HS3ST3A1: variants seen among roughly 807,000 people sequenced by gnomAD.
HS3ST3A1 encodes heparan sulfate-glucosamine 3-sulfotransferase 3A1.
HS3ST3A1 carries 19 observed loss-of-function variants against 25.7 expected under a neutral mutation model. That is an observed-to-expected ratio of 0.74 (90% CI 0.52 to 1.08). The LOEUF is 1.08. Among genes scored for constraint, HS3ST3A1 ranks in the 50% least tolerant of loss-of-function variants. The probability of loss-of-function intolerance (pLI) is 0.00; values close to 1 mark genes in which losing one functional copy is unlikely to be tolerated. For synonymous variants in HS3ST3A1, 226 were observed against 278.6 expected (o/e 0.81, Z 1.88); for missense variants, 459 against 594.3 (o/e 0.77, Z 2.37).
rs778864896 is a variant in HS3ST3A1 at position 13,601,114 on chromosome 17, G to C, written c.16C>G (p.Pro6Ala). The stretch of plus-strand genomic sequence containing the variant: ...GCCGAGGTGGAGAGGGCACTGGCCG[G>C]GCCCGGAGGGGCCATCCTAGCCGGA... Reference protein sequence around the residue: MAPPGPASALSTSAEP... With the variant: MAPPGAASALSTSAEP... Residue 6 changes from proline (P) to alanine (A), a missense_variant, in exon 1 of 2, where the codon CCG becomes GCG. Physicochemically the swap from Pro to Ala is conservative, Grantham distance 27 (BLOSUM62 -1). Around this residue, in one of 3 missense-constraint regions of HS3ST3A1, gnomAD observed 346 missense variants for 303.9 expected, o/e 1.14. Transcript: ENST00000284110. The C allele has an allele frequency of 6.4e-7, 1 of 1,563,776 alleles. No homozygotes were observed. Among genetic ancestry groups the C allele is most frequent in the Non-Finnish European group, 8.6e-7 (1 of 1,156,988 alleles).
chr17:13,588,383 T>C (rs1022260633), intron 1 of HS3ST3A1, among the ~76,000 whole-genome samples: 1 of 152,160 alleles, frequency 6.6e-6, no homozygotes, highest in African/African-American at 2.4e-5. Flanking sequence ...GCATATAGGG[T>C]TAAAAGAATT....
At chr17:13,521,312 C>CA (rs1906229766) in intron 1 of HS3ST3A1, among the ~76,000 whole-genome samples, 1 of 152,186 alleles carries the variant, frequency 6.6e-6, no homozygotes, top group South Asian at 2.1e-4. Context: ...TCAGCCCTTC[C>CA]AAAATGTAGT....
intron 1 of HS3ST3A1, among the ~76,000 whole-genome samples, chr17:13,558,127 GAA>G (rs1907431093): frequency 6.6e-6 from 1 of 152,050 alleles, no homozygotes; most frequent in African/African-American, 2.4e-5. Context: ...GAAAAAAATG[GAA>G]AAGCCAGGCA....
intron 1 of HS3ST3A1, among the ~76,000 whole-genome samples, chr17:13,574,741 TACACAC>T (rs774926362): frequency 1.2e-5 from 1 of 81,550 alleles, no homozygotes; most frequent in South Asian, 7.2e-4. Flanking sequence ...ACAAAACAAA[TACACAC>T]ACACACACAC....
intron 1 of HS3ST3A1, among the ~76,000 whole-genome samples, chr17:13,597,487 G>A (rs1277734928): frequency 6.6e-6 from 1 of 152,094 alleles, no homozygotes; most frequent in Non-Finnish European, 1.5e-5. Context: ...ACTATTCATT[G>A]CAAGGGACTG....
intron 1 of HS3ST3A1, among the ~76,000 whole-genome samples, chr17:13,531,446 A>G (rs1001611638): frequency 2.0e-5 from 3 of 152,104 alleles, no homozygotes; most frequent in African/African-American, 7.2e-5. Flanking sequence ...GAAAAACGAA[A>G]TAGGTTTTGT....
Position 13,506,483 on chromosome 17 carries a change from G to C in HS3ST3A1, c.600-9665C>G, listed in dbSNP as rs533185778. ...TAAGGCTCCACCAATCACATCAAGA[G>C]ATTTGTATAAATAATTACACAGAGC... On this transcript the variant is annotated intron_variant, in intron 1 of 1. Coordinates refer to ENST00000284110, the MANE Select transcript of HS3ST3A1 (RefSeq NM_006042.3). Among the ~76,000 whole-genome samples, 116 of 152,260 alleles carry C rather than the reference G, an allele frequency of 7.6e-4. 1 individual carries two copies. In the South Asian group the frequency reaches 0.018, roughly 24 times the overall value.
At chr17:13,554,728 G>C (rs1400600889) in intron 1 of HS3ST3A1, among the ~76,000 whole-genome samples, 1 of 152,154 alleles carries the variant, frequency 6.6e-6, no homozygotes, top group African/African-American at 2.4e-5. Context: ...AGCACGAAGA[G>C]GAAATGTTCA....
chr17:13,549,077 G>A (rs999778564), intron 1 of HS3ST3A1, among the ~76,000 whole-genome samples: 8 of 152,168 alleles, frequency 5.3e-5, no homozygotes, highest in Admixed American at 4.6e-4. Context: ...TGTTGCTCAC[G>A]CTTTGGGTCC....
intron 1 of HS3ST3A1, among the ~76,000 whole-genome samples, chr17:13,539,227 A>T (rs1906856508): frequency 6.6e-6 from 1 of 152,224 alleles, no homozygotes; most frequent in African/African-American, 2.4e-5. Context: ...TTGGCACAAC[A>T]TTGCTGCTGC....
At position 13,496,267 on chromosome 17, in the gene HS3ST3A1, C is replaced by T. The variant is rs1212032884; in HGVS notation, c.1151G>A (p.Arg384His). 2.6e-6 allele frequency: 4 copies of T among 1,538,360 alleles called. No individual in the cohort carries two copies. The highest frequency in any genetic ancestry group is 1.4e-5 in the African/African-American group (1 of 71,756). The change falls in exon 2 of 2, where the codon CGC (arginine) becomes CAC (histidine). Residue 384 changes from arginine (R) to histidine (H), a missense_variant. Transcript: ENST00000284110. ...GAGGTTGAAAGGCCGGTAGAACTCG[C>T]GCAGCCTGCGCACCACCTCGCGGTC... ...EIDREVVRRL[R>H]EFYRPFNLKF...
At chr17:13,544,473 G>C (rs746461284) in intron 1 of HS3ST3A1, among the ~76,000 whole-genome samples, 1 of 152,168 alleles carries the variant, frequency 6.6e-6, no homozygotes, top group Admixed American at 6.5e-5. Context: ...GGAAGGGCTC[G>C]CTGCCTGGGA....
intron 1 of HS3ST3A1, among the ~76,000 whole-genome samples, chr17:13,549,827 C>T (rs558508220): frequency 6.6e-6 from 1 of 152,260 alleles, no homozygotes; most frequent in East Asian, 1.9e-4. Context: ...TTTAGTTCGC[C>T]ATAAAGAGTT....
chr17:13,594,633 C>T (rs994541192), intron 1 of HS3ST3A1, among the ~76,000 whole-genome samples: 6 of 152,014 alleles, frequency 3.9e-5, no homozygotes, highest in Admixed American at 3.3e-4. Context: ...TATGGTATTC[C>T]TTTCAGTCAT....
intron 1 of HS3ST3A1, among the ~76,000 whole-genome samples, chr17:13,570,419 GA>G (rs1017651814): frequency 2.6e-5 from 4 of 151,608 alleles, no homozygotes; most frequent in African/African-American, 4.8e-5. Context: ...ATACGGTTTT[GA>G]AAAAAAAGAT....
chr17:13,529,875 C>G (rs1270664414), intron 1 of HS3ST3A1, among the ~76,000 whole-genome samples: 3 of 152,004 alleles, frequency 2.0e-5, no homozygotes, highest in East Asian at 3.9e-4. Flanking sequence ...AGAGCTCCCC[C>G]CCACCCCAAT....
chr17:13,597,568 A>T (rs746505645), intron 1 of HS3ST3A1, among the ~76,000 whole-genome samples: 2 of 152,128 alleles, frequency 1.3e-5, no homozygotes, highest in Non-Finnish European at 2.9e-5. Flanking sequence ...AGTAATGAGG[A>T]GTGTTTTTTT....
chr17:13,547,831 G>A (rs1485674234), intron 1 of HS3ST3A1, among the ~76,000 whole-genome samples: 4 of 151,636 alleles, frequency 2.6e-5, no homozygotes. Flanking sequence ...GAGGGACTGA[G>A]CCCTTAACTC....
At chr17:13,522,853 G>GAGAGACAC (rs1555538069) in intron 1 of HS3ST3A1, among the ~76,000 whole-genome samples, 3 of 148,348 alleles carry the variant, frequency 2.0e-5, no homozygotes, top group South Asian at 2.2e-4. Context: ...CACACAGAGA[G>GAGAGACAC]ACACACACAC....
Sources: gnomAD v4.1 joint callset for allele counts (sites outside exome capture counted in the v4.1 genomes callset) on GRCh38, gnomAD v4.1.1 for gene constraint, gnomAD v4.1.1 regional missense constraint, MANE v1.5 for transcripts, NCBI Gene and HGNC (gene_info 2026-07-23, HGNC 2026-07-21) for gene names.